Variants in CRPPA observed in about 807,000 individuals in gnomAD.
CRPPA encodes the protein D-ribitol-5-phosphate cytidylyltransferase.
In CRPPA, 43 loss-of-function variants were observed where a neutral mutation model predicts 52.0. That is an observed-to-expected ratio of 0.83 (90% CI 0.65 to 1.07). CRPPA has a LOEUF of 1.07. Among genes scored for constraint, CRPPA ranks in the 50% least tolerant of loss-of-function variants. The pLI, the probability that CRPPA is intolerant of heterozygous loss-of-function variation, is 0.00. For synonymous variants in CRPPA, 250 were observed against 203.5 expected (o/e 1.23, Z -1.94); for missense variants, 629 against 551.7 (o/e 1.14, Z -1.40).
intron 5 of CRPPA, among the ~76,000 whole-genome samples, chr7:16,295,148 T>A (rs958587246): frequency 2.0e-5 from 3 of 152,094 alleles, no homozygotes; most frequent in African/African-American, 4.8e-5. Context: ...ATTTAACTGC[T>A]CTTCTATCGG....
intron 6 of CRPPA, chr7:16,270,228 T>C (rs1292158467): frequency 3.9e-5 from 6 of 152,158 alleles, no homozygotes; most frequent in African/African-American, 7.2e-5. Flanking sequence ...AGCAATGACC[T>C]CATTTCTAAG....
At chr7:16,290,406 C>G (rs1432160336) in intron 5 of CRPPA, among the ~76,000 whole-genome samples, 1 of 151,762 alleles carries the variant, frequency 6.6e-6, no homozygotes, top group Non-Finnish European at 1.5e-5. Flanking sequence ...TCAAAATACA[C>G]CAAAGCTATA....
chr7:16,117,378 A>G (rs192013426), intron 9 of CRPPA, among the ~76,000 whole-genome samples: 1 of 152,244 alleles, frequency 6.6e-6, no homozygotes, highest in East Asian at 1.9e-4. Context: ...TGGGTAGACG[A>G]GCCTTCCTTT....
chr7:16,293,454 T>C (rs1461837386), intron 5 of CRPPA, among the ~76,000 whole-genome samples: 1 of 151,942 alleles, frequency 6.6e-6, no homozygotes. Flanking sequence ...TTTAAAATAA[T>C]ATTAAAGAGA....
At chr7:16,103,626 A>G (rs1287208579) in intron 9 of CRPPA, among the ~76,000 whole-genome samples, 2 of 152,158 alleles carry the variant, frequency 1.3e-5, no homozygotes, top group African/African-American at 4.8e-5. Context: ...CTAAGAAGTA[A>G]GTGTAAGGGA....
intron 9 of CRPPA, among the ~76,000 whole-genome samples, chr7:16,198,808 C>T (rs1382008709): frequency 6.6e-6 from 1 of 151,548 alleles, no homozygotes; most frequent in Non-Finnish European, 1.5e-5. Context: ...CCTGCCTCTG[C>T]CTCTGCCTCT....
intron 3 of CRPPA, among the ~76,000 whole-genome samples, chr7:16,350,647 C>T (rs951271134): frequency 2.0e-5 from 3 of 152,038 alleles, no homozygotes; most frequent in Admixed American, 2.0e-4. Context: ...AAGCATACTA[C>T]TACAGAAAAC....
At chr7:16,274,174 C>T (rs1172735909) in intron 6 of CRPPA, among the ~76,000 whole-genome samples, 2 of 152,152 alleles carry the variant, frequency 1.3e-5, no homozygotes, top group South Asian at 2.1e-4. Context: ...CTCAGCCTCC[C>T]GAGTAGCTGG....
intron 9 of CRPPA, among the ~76,000 whole-genome samples, chr7:16,164,441 C>T (rs918499275): frequency 1.3e-5 from 2 of 152,128 alleles, no homozygotes; most frequent in African/African-American, 2.4e-5. Context: ...AGCTTCCTTG[C>T]GTTGAGTTAG....
intron 9 of CRPPA, among the ~76,000 whole-genome samples, chr7:16,197,166 CCA>C (rs1456066168): frequency 6.6e-5 from 10 of 152,110 alleles, no homozygotes; most frequent in Admixed American, 5.9e-4. Context: ...TGAAACCAAG[CCA>C]CACACCTGGG....
intron 2 of CRPPA, among the ~76,000 whole-genome samples, chr7:16,377,884 C>T (rs916813050): frequency 6.6e-6 from 1 of 152,144 alleles, no homozygotes; most frequent in African/African-American, 2.4e-5. Context: ...CCACCTCTTT[C>T]ACATAGTTCC....
intron 3 of CRPPA, among the ~76,000 whole-genome samples, chr7:16,323,419 A>G (rs991940865): frequency 4.6e-5 from 7 of 152,186 alleles, no homozygotes; most frequent in African/African-American, 1.7e-4. Context: ...ACAGTATACC[A>G]GTTGCAAATC....
intron 9 of CRPPA, among the ~76,000 whole-genome samples, chr7:16,135,789 CACAA>C (rs1782752580): frequency 1.3e-5 from 2 of 152,238 alleles, no homozygotes; most frequent in South Asian, 2.1e-4. Context: ...TATGAGCAAC[CACAA>C]ACAGTTGGGG....
At chr7:16,329,313 T>C (rs958203180) in intron 3 of CRPPA, among the ~76,000 whole-genome samples, 5 of 152,302 alleles carry the variant, frequency 3.3e-5, no homozygotes, top group African/African-American at 1.2e-4. Context: ...AATGAAAGGC[T>C]GCCCCTTGAA....
At chr7:16,189,852 C>T (rs1208997722) in intron 9 of CRPPA, among the ~76,000 whole-genome samples, 2 of 152,078 alleles carry the variant, frequency 1.3e-5, no homozygotes, top group African/African-American at 4.8e-5. Flanking sequence ...AGGTAAATAG[C>T]AGGTTTGAGA....
At chr7:16,337,682 G>A (rs959802716) in intron 3 of CRPPA, among the ~76,000 whole-genome samples, 8 of 151,854 alleles carry the variant, frequency 5.3e-5, no homozygotes, top group Admixed American at 1.3e-4. Flanking sequence ...AATTAACAAC[G>A]GGACATTATA....
At chr7:16,368,083 T>C (rs1418365600) in intron 3 of CRPPA, among the ~76,000 whole-genome samples, 6 of 152,066 alleles carry the variant, frequency 3.9e-5, no homozygotes, top group Admixed American at 2.0e-4. Context: ...AAATTCAGAA[T>C]ACCATCTGTG....
rs1491464691 is a variant in CRPPA, at chr7:16,089,354, A to AAATATATGTGTGTATG, written c.*2340_*2341insCATACACACATATATT. The AAATATATGTGTGTATG allele has an allele frequency of 1.4e-4, 46 of 317,312 alleles. No homozygotes were observed. In the East Asian group the frequency reaches 4.1e-3, roughly 28 times the overall value. The allele number at this position is 317,312 out of a possible 1,614,324, so 19.7% of individuals were successfully genotyped here. A position where few individuals can be genotyped will look rare whatever the true frequency, so the allele number is the denominator to read the frequency against. On this transcript the variant is annotated 3_prime_UTR_variant, in exon 10 of 10. Transcript: ENST00000407010. ...TATATGTGTGTATGCGTACGTATATACATACATACATGCATGTACATATAT... is the reference window on the plus strand; with the variant it reads ...TATATGTGTGTATGCGTACGTATATAAATATATGTGTGTATGCATACATACATGCATGTACATATAT...
chr7:16,257,912 A>T (rs1019879208), intron 8 of CRPPA, among the ~76,000 whole-genome samples: 1 of 152,086 alleles, frequency 6.6e-6, no homozygotes, highest in African/African-American at 2.4e-5. Flanking sequence ...AATTTTTCAT[A>T]GGCCATTCTT....
Sources: allele counts gnomAD v4.1 joint callset (sites outside exome capture counted in the v4.1 genomes callset), GRCh38; gene constraint gnomAD v4.1.1; transcripts MANE v1.5; gene names NCBI Gene and HGNC (gene_info 2026-07-23, HGNC 2026-07-21).